WDHD1: variants seen among roughly 807,000 people sequenced by gnomAD.
The protein encoded by WDHD1 is WD repeat and HMG-box DNA-binding protein 1.
In WDHD1, 111 loss-of-function variants were observed where a neutral mutation model predicts 135.4. That is an observed-to-expected ratio of 0.82 (90% CI 0.70 to 0.96). The LOEUF (loss-of-function observed/expected upper bound fraction) is 0.96, where lower values mean the gene tolerates loss of function less well. Ranked by LOEUF, WDHD1 falls within the 40% of genes least tolerant of loss-of-function variation. The probability of loss-of-function intolerance (pLI) is 0.00; values close to 1 mark genes in which losing one functional copy is unlikely to be tolerated. For synonymous variants in WDHD1, 434 were observed against 439.0 expected, an observed-to-expected ratio of 0.99 and a Z score of 0.14; for missense variants, 1,351 against 1,336.3, an observed-to-expected ratio of 1.01 and a Z score of -0.17.
At position 54,955,560 on chromosome 14, in the gene WDHD1, C is replaced by T. The variant is rs1438733056; in HGVS notation, c.3050+1G>A. ...CATGCTAAATTTCTCTATGTACTGA[C>T]CTTTGGTTTTCAGTGTTTTGAGGAG... On this transcript the variant is annotated splice_donor_variant, in intron 24 of 25. Transcript: ENST00000360586. LOFTEE classifies it high-confidence loss of function. The T allele has an allele frequency of 5.8e-6, 9 of 1,561,336 alleles. No homozygotes were observed. Among genetic ancestry groups the T allele is most frequent in the East Asian group, 2.4e-5 (1 of 41,922 alleles).
rs558999915 is a variant in WDHD1, at chr14:54,989,667, T to TA, written c.1342-456_1342-455insT. Reference sequence around the variant, plus strand: ...CATACATTTTAAGAAAACATAATTTTTTTTTTTTTTTGGAGACAGTTTTGC... The same window carrying TA: ...CATACATTTTAAGAAAACATAATTTTATTTTTTTTTTTGGAGACAGTTTTGC... On this transcript the variant is annotated intron_variant, in intron 12 of 25. Transcript: ENST00000360586. Among the ~76,000 whole-genome samples, 806 of 152,142 alleles carry TA rather than the reference T, an allele frequency of 5.3e-3. 10 individuals carry two copies. The highest frequency in any genetic ancestry group is 0.018 in the African/African-American group (762 of 41,514).
chr14:55,008,549 G>GAA, intron 5 of WDHD1, 59 bp downstream of exon 5: 1 of 1,497,452 alleles, frequency 6.7e-7, no homozygotes, highest in South Asian at 1.2e-5. Context: ...GAGTTAGTAG[G>GAA]AAATATATTT....
At chr14:54,948,705 GT>G (rs1343039581) in intron 24 of WDHD1, among the ~76,000 whole-genome samples, 1 of 152,212 alleles carries the variant, frequency 6.6e-6, no homozygotes, top group Non-Finnish European at 1.5e-5. Flanking sequence ...TGCCTCCTCA[GT>G]GACAGGTGGG....
At chr14:54,944,617 T>C (rs1002347900) in intron 24 of WDHD1, 147 bp from the exon 25 acceptor site, 2 of 106,078 alleles carry the variant, frequency 1.9e-5, no homozygotes, top group East Asian at 1.9e-4. Flanking sequence ...TTCATGTTAC[T>C]TTTTTTTTTT....
chr14:54,947,459 G>A (rs1369608482), intron 24 of WDHD1, among the ~76,000 whole-genome samples: 1 of 152,156 alleles, frequency 6.6e-6, no homozygotes, highest in East Asian at 1.9e-4. Context: ...GAAAACCACA[G>A]CCACTCCCTC....
At chr14:54,959,390 T>C (rs2041211513) in intron 21 of WDHD1, among the ~76,000 whole-genome samples, 1 of 67,404 alleles carries the variant, frequency 1.5e-5, no homozygotes, top group East Asian at 4.6e-4. Context: ...AGTCACACCC[T>C]GGCGGGGGGA....
At chr14:54,960,513 T>C (rs2041233981) in intron 21 of WDHD1, among the ~76,000 whole-genome samples, 1 of 151,514 alleles carries the variant, frequency 6.6e-6, no homozygotes, top group Non-Finnish European at 1.5e-5. Flanking sequence ...TTCTTATTAT[T>C]ATTTTAGATG....
At chr14:54,950,069 G>C (rs965973299) in intron 24 of WDHD1, among the ~76,000 whole-genome samples, 1 of 152,202 alleles carries the variant, frequency 6.6e-6, no homozygotes, top group Non-Finnish European at 1.5e-5. Flanking sequence ...TCAAGGCTAG[G>C]AAGAAACTGC....
At chr14:54,972,390 C>T (rs1021712293) in intron 16 of WDHD1, among the ~76,000 whole-genome samples, 1 of 150,910 alleles carries the variant, frequency 6.6e-6, no homozygotes, top group African/African-American at 2.4e-5. Flanking sequence ...CCAGCCTGGC[C>T]AATGTGGTGA....
intron 16 of WDHD1, among the ~76,000 whole-genome samples, chr14:54,978,736 T>A (rs1451275945): frequency 6.6e-6 from 1 of 152,186 alleles, no homozygotes; most frequent in Non-Finnish European, 1.5e-5. Context: ...CAATTTTGCA[T>A]CCTCTGAGAC....
chr14:54,950,300 T>A (rs1268914565), intron 24 of WDHD1, among the ~76,000 whole-genome samples: 1 of 152,060 alleles, frequency 6.6e-6, no homozygotes, highest in Admixed American at 6.6e-5. Flanking sequence ...TGGAGGAAGA[T>A]CTACCAAGCA....
intron 15 of WDHD1, among the ~76,000 whole-genome samples, chr14:54,982,003 T>TTAG (rs2041626007): frequency 6.6e-6 from 1 of 151,612 alleles, no homozygotes; most frequent in South Asian, 2.1e-4. Context: ...ATTTATTTAT[T>TTAG]TATTATTATT....
intron 18 of WDHD1, among the ~76,000 whole-genome samples, chr14:54,964,714 G>C (rs1229274157): frequency 6.6e-6 from 1 of 152,090 alleles, no homozygotes; most frequent in Non-Finnish European, 1.5e-5. Flanking sequence ...ATTTGCCCGG[G>C]GGTCAGGAAT....
rs563635227 is a variant in WDHD1, at chr14:54,991,456, A to G, written c.1154-56T>C. Reference sequence around the variant, plus strand: ...TCACGAATACCAATGATTTGGAAAAAGGAAAGCATTATGGAATCTAGTAAC... The same window carrying G: ...TCACGAATACCAATGATTTGGAAAAGGGAAAGCATTATGGAATCTAGTAAC... On this transcript the variant is annotated intron_variant, in intron 11 of 25. Coordinates refer to ENST00000360586, the MANE Select transcript of WDHD1 (RefSeq NM_007086.4). The G allele has an allele frequency of 7.2e-6, 11 of 1,531,082 alleles. No individual in the cohort carries two copies. The East Asian group carries it at 2.5e-4, about 35-fold the overall frequency. 94.8% of individuals were successfully genotyped at this position (1,531,082 alleles called of 1,614,324 possible). A position where few individuals can be genotyped will look rare whatever the true frequency, so the allele number is the denominator to read the frequency against.
chr14:54,946,691 T>C (rs1310300280), intron 24 of WDHD1, among the ~76,000 whole-genome samples: 4 of 152,184 alleles, frequency 2.6e-5, no homozygotes, highest in Non-Finnish European at 1.5e-5. Context: ...TCTCCCTACA[T>C]TGCCCAGGCT....
chr14:54,956,077 T>C (rs149397122), intron 23 of WDHD1, among the ~76,000 whole-genome samples: 385 of 152,148 alleles, frequency 2.5e-3, no homozygotes, highest in Non-Finnish European at 4.3e-3. Context: ...TTCCATGTTT[T>C]CTAAATGAAT....
intron 2 of WDHD1, among the ~76,000 whole-genome samples, chr14:55,024,433 C>T (rs2042398934): frequency 6.6e-6 from 1 of 152,194 alleles, no homozygotes; most frequent in Non-Finnish European, 1.5e-5. Flanking sequence ...CTTTCTCCAT[C>T]CTTAATATCT....
chr14:54,953,285 A>G (rs1434773693), intron 24 of WDHD1, among the ~76,000 whole-genome samples: 1 of 152,244 alleles, frequency 6.6e-6, no homozygotes, highest in Non-Finnish European at 1.5e-5. Flanking sequence ...CAAGAAAAAA[A>G]CAAACCCAAT....
At chr14:55,019,289 GT>G (rs2042307278) in intron 2 of WDHD1, among the ~76,000 whole-genome samples, 1 of 152,110 alleles carries the variant, frequency 6.6e-6, no homozygotes, top group African/African-American at 2.4e-5. Context: ...GATAATCAAT[GT>G]AAATAAATAT....
Sources: gnomAD v4.1 joint callset for allele counts (sites outside exome capture counted in the v4.1 genomes callset) on GRCh38, gnomAD v4.1.1 for gene constraint, MANE v1.5 for transcripts, NCBI Gene and HGNC (gene_info 2026-07-23, HGNC 2026-07-21) for gene names.